Variants in ASTN1 observed in about 807,000 individuals in gnomAD.
ASTN1 encodes the protein astrotactin 1.
ASTN1 carries 41 observed loss-of-function variants against 140.7 expected under a neutral mutation model. That is an observed-to-expected ratio of 0.29 (90% CI 0.23 to 0.38). ASTN1 has a LOEUF of 0.38. ASTN1 is among the 10% of genes least tolerant of loss of function. The probability of loss-of-function intolerance (pLI) is 1.00; values close to 1 mark genes in which losing one functional copy is unlikely to be tolerated. For synonymous variants in ASTN1, 640 were observed against 652.2 expected, an observed-to-expected ratio of 0.98 and a Z score of 0.29; for missense variants, 1,479 against 1,678.8, an observed-to-expected ratio of 0.88 and a Z score of 2.08.
intron 16 of ASTN1, among the ~76,000 whole-genome samples, chr1:176,903,027 C>G (rs2103049416): frequency 6.6e-6 from 1 of 152,312 alleles, no homozygotes; most frequent in Admixed American, 6.5e-5. Context: ...GGTTCTCACC[C>G]AGTGCTTTAC....
At chr1:177,118,739 T>A (rs1470579917) in intron 1 of ASTN1, among the ~76,000 whole-genome samples, 1 of 152,130 alleles carries the variant, frequency 6.6e-6, no homozygotes, top group Non-Finnish European at 1.5e-5. Context: ...ATATTACATG[T>A]GTATATAATG....
At chr1:177,005,878 G>A (rs1674970705) in intron 8 of ASTN1, among the ~76,000 whole-genome samples, 1 of 152,050 alleles carries the variant, frequency 6.6e-6, no homozygotes, top group African/African-American at 2.4e-5. Flanking sequence ...CAAAGCGCTG[G>A]GATTACAAGC....
intron 1 of ASTN1, among the ~76,000 whole-genome samples, chr1:177,145,483 C>T (rs1295695652): frequency 6.6e-6 from 1 of 152,112 alleles, no homozygotes; most frequent in Non-Finnish European, 1.5e-5. Context: ...CCTTTCTGAC[C>T]CATAGAAATT....
At chr1:176,927,382 C>A (rs1437928070) in intron 16 of ASTN1, among the ~76,000 whole-genome samples, 7 of 151,408 alleles carry the variant, frequency 4.6e-5, no homozygotes, top group Admixed American at 4.6e-4. Flanking sequence ...TCTAAAGCAA[C>A]AATGAAAGTG....
At chr1:176,982,963 G>A (rs1673694895) in intron 8 of ASTN1, among the ~76,000 whole-genome samples, 1 of 152,138 alleles carries the variant, frequency 6.6e-6, no homozygotes, top group Non-Finnish European at 1.5e-5. Context: ...AGGAGGCAGG[G>A]AAATCCACAG....
intron 1 of ASTN1, among the ~76,000 whole-genome samples, chr1:177,098,536 T>G (rs1680150454): frequency 6.6e-6 from 1 of 152,140 alleles, no homozygotes; most frequent in Non-Finnish European, 1.5e-5. Context: ...AGTGACAAAG[T>G]GACTTCTCAT....
chr1:176,876,159 A>C (rs540813090), intron 21 of ASTN1, among the ~76,000 whole-genome samples: 86 of 152,344 alleles, frequency 5.6e-4, no homozygotes, highest in Non-Finnish European at 9.6e-4. Flanking sequence ...GTTAATTCAA[A>C]ATAATCTTTC....
intron 15 of ASTN1, among the ~76,000 whole-genome samples, chr1:176,935,338 T>C (rs959311797): frequency 1.3e-4 from 20 of 152,230 alleles, no homozygotes; most frequent in African/African-American, 4.1e-4. Flanking sequence ...TGGGTGCACA[T>C]TGACTATGTA....
In ASTN1 at chr1:176,884,439, C is replaced by T; in HGVS notation, c.3126G>A (p.Glu1042=). The T allele has an allele frequency of 1.2e-6, 2 of 1,614,144 alleles. No homozygotes were observed. Among genetic ancestry groups the T allele is most frequent in the South Asian group, 1.1e-5 (1 of 91,080 alleles). ...HEPSSTLVVL[E]WEHSEPPIGV... Reference sequence around the variant, plus strand: ...CGATTGGTGGCTCTGAGTGTTCCCACTCCAGGACCACAAGAGTGCTGCTGG... The same window carrying T: ...CGATTGGTGGCTCTGAGTGTTCCCATTCCAGGACCACAAGAGTGCTGCTGG... The change falls in exon 19 of 23, where the codon GAG becomes GAA. Residue 1042 remains glutamate (E), a synonymous_variant. Coordinates refer to ENST00000361833, the MANE Select transcript of ASTN1 (RefSeq NM_004319.3).
chr1:176,884,011 A>G (rs1195135163), intron 19 of ASTN1, among the ~76,000 whole-genome samples: 1 of 152,220 alleles, frequency 6.6e-6, no homozygotes, highest in African/African-American at 2.4e-5. Context: ...ATTGTGGGCT[A>G]GGATAACTAG....
rs529678198 is a variant in ASTN1, at chr1:177,156,701, C to T, written c.283+7693G>A. ...TAGCTCCCCATTCCTTTGGAATAGT[C>T]TGTGCACAGTGACTTCCTTCAAAGG... On this transcript the variant is annotated intron_variant, in intron 1 of 22. Transcript: ENST00000361833. Among the ~76,000 whole-genome samples the T allele has an allele frequency of 2.0e-5, 3 of 152,284 alleles. No homozygotes were observed. In the South Asian group the frequency reaches 6.2e-4, roughly 32 times the overall value.
chr1:176,863,956 C>T lies in ASTN1; in HGVS notation c.*328G>A, dbSNP rs1244636791. The T allele has an allele frequency of 4.9e-5, 55 of 1,115,844 alleles. No individual in the cohort carries two copies. Among genetic ancestry groups the T allele is most frequent in the Middle Eastern group, 4.2e-4 (1 of 2,390 alleles). 69.1% of individuals were successfully genotyped at this position (1,115,844 alleles called of 1,614,324 possible). The stretch of plus-strand genomic sequence containing the variant: ...CTTAATAGACTTTTCATGGGGAGCA[C>T]GGCAGAGCTCTTGAGCATTTTGGTA... On this transcript the variant is annotated 3_prime_UTR_variant, in exon 23 of 23. Coordinates refer to ENST00000361833, the MANE Select transcript of ASTN1 (RefSeq NM_004319.3).
At chr1:177,146,260 C>T (rs545969465) in intron 1 of ASTN1, among the ~76,000 whole-genome samples, 14 of 152,146 alleles carry the variant, frequency 9.2e-5, no homozygotes, top group African/African-American at 2.7e-4. Flanking sequence ...TGGATGAAAT[C>T]GATGAAGAAA....
intron 1 of ASTN1, among the ~76,000 whole-genome samples, chr1:177,087,783 C>T (rs909907317): frequency 8.5e-5 from 13 of 152,270 alleles, no homozygotes; most frequent in South Asian, 6.2e-4. Flanking sequence ...CTTGTGAGGC[C>T]GGCTCCTACT....
chr1:177,147,430 T>C (rs993695542), intron 1 of ASTN1, among the ~76,000 whole-genome samples: 1 of 152,188 alleles, frequency 6.6e-6, no homozygotes, highest in Non-Finnish European at 1.5e-5. Context: ...GAGCTTACAG[T>C]TGCAGGGGTA....
At chr1:177,055,204 C>T (rs1677741161) in intron 2 of ASTN1, among the ~76,000 whole-genome samples, 1 of 152,200 alleles carries the variant, frequency 6.6e-6, no homozygotes, top group African/African-American at 2.4e-5. Context: ...GTAAATCCAG[C>T]GTGTCTTTCT....
At chr1:176,901,136 G>A (rs1293328390) in intron 16 of ASTN1, among the ~76,000 whole-genome samples, 1 of 152,164 alleles carries the variant, frequency 6.6e-6, no homozygotes, top group Non-Finnish European at 1.5e-5. Flanking sequence ...GTTCTTTTAA[G>A]AAGAGGGGCA....
intron 1 of ASTN1, among the ~76,000 whole-genome samples, chr1:177,097,518 T>C (rs1349658127): frequency 6.6e-6 from 1 of 152,212 alleles, no homozygotes; most frequent in Non-Finnish European, 1.5e-5. Flanking sequence ...TACGATATCA[T>C]GATAAAATAA....
chr1:177,089,804 C>A (rs532196668), intron 1 of ASTN1, among the ~76,000 whole-genome samples: 14 of 152,254 alleles, frequency 9.2e-5, no homozygotes, highest in African/African-American at 3.1e-4. Context: ...TAGCAAAGGG[C>A]TTGGCAATAG....
Sources: gnomAD v4.1 joint callset for allele counts (sites outside exome capture counted in the v4.1 genomes callset) on GRCh38, gnomAD v4.1.1 for gene constraint, MANE v1.5 for transcripts, NCBI Gene and HGNC (gene_info 2026-07-23, HGNC 2026-07-21) for gene names.